IQCH: variants seen among roughly 807,000 people sequenced by gnomAD.
IQCH encodes IQ motif containing H.
IQCH carries 98 observed loss-of-function variants against 117.0 expected under a neutral mutation model. The ratio of observed to expected loss-of-function variants is 0.84; its 90% CI spans 0.71 to 0.99. The LOEUF (loss-of-function observed/expected upper bound fraction) is 0.99. Ranked by LOEUF, IQCH falls within the 50% of genes least tolerant of loss-of-function variation. The pLI is 0.00. For synonymous variants in IQCH, 412 were observed against 448.2 expected, an observed-to-expected ratio of 0.92 and a Z score of 1.02; for missense variants, 1,102 against 1,243.8, an observed-to-expected ratio of 0.89 and a Z score of 1.72.
Position 67,322,500 on chromosome 15 carries a change from T to TTAGA in IQCH, c.388-14474_388-14471dup, listed in dbSNP as rs1968182794. On this transcript the variant is annotated intron_variant, in intron 4 of 20. Transcript: ENST00000335894. ...TAATGAAATTTAGATATGGTTTGAT[T>TTAGA]TAGAACAACTGACACAGGACTTTCC... Among the ~76,000 whole-genome samples, 5 of 152,158 alleles carry TTAGA rather than the reference T, an allele frequency of 3.3e-5. No homozygotes were observed. In the South Asian group the frequency reaches 1.0e-3, roughly 32 times the overall value.
At chr15:67,259,310 T>A (rs1965360988) in intron 1 of IQCH, among the ~76,000 whole-genome samples, 1 of 152,248 alleles carries the variant, frequency 6.6e-6, no homozygotes, top group Non-Finnish European at 1.5e-5. Context: ...TTCCAGTTCA[T>A]ATCTGTCAGC....
rs2081773709 is a variant in IQCH at position 67,422,435 on chromosome 15, G to A, written c.2505+858G>A. 6.6e-6 allele frequency among the ~76,000 whole-genome samples: 1 copy of A among 152,002 alleles called. No individual in the cohort carries two copies. Among genetic ancestry groups the A allele is most frequent in the African/African-American group, 2.4e-5 (1 of 41,356 alleles). ...GCCCCTGCCCAGCTTAAGAAACAAA[G>A]TGGTGTCAGTGCCACCTGCAGTCCT... On this transcript the variant is annotated intron_variant, in intron 16 of 20. Transcript: ENST00000335894. The surrounding 1 kb of genome is among the most constrained non-coding windows in gnomAD (Gnocchi z 4.7).
Position 67,423,282 on chromosome 15 carries a change from T to C in IQCH, c.2505+1705T>C, listed in dbSNP as rs550798796. 3.3e-5 allele frequency among the ~76,000 whole-genome samples: 5 copies of C among 152,156 alleles called. No individual in the cohort carries two copies. In the East Asian group the frequency reaches 9.7e-4, roughly 29 times the overall value. On this transcript the variant is annotated intron_variant, in intron 16 of 20. Coordinates refer to ENST00000335894, the MANE Select transcript of IQCH (RefSeq NM_001031715.3). ...CCCCAAGTATTTGTTGTAAGAAAGA[T>C]TGGCTGGGTGTGGTGGCTCATGCCT...
At chr15:67,321,794 G>A (rs970100021) in intron 4 of IQCH, among the ~76,000 whole-genome samples, 1 of 152,096 alleles carries the variant, frequency 6.6e-6, no homozygotes, top group Non-Finnish European at 1.5e-5. Flanking sequence ...TTTTCATTTA[G>A]TTCCCTTTCC....
chr15:67,330,378 T>C (rs898435307), intron 4 of IQCH, among the ~76,000 whole-genome samples: 1 of 152,222 alleles, frequency 6.6e-6, no homozygotes, highest in Non-Finnish European at 1.5e-5. Context: ...TTAAATAACA[T>C]ACACTCTGCA....
chr15:67,304,133 G>A (rs905909983), intron 4 of IQCH, among the ~76,000 whole-genome samples: 2 of 151,480 alleles, frequency 1.3e-5, no homozygotes, highest in Admixed American at 6.6e-5. Context: ...TGGGATACAC[G>A]GAGGAAAATC....
At chr15:67,441,351 A>G (rs555405138) in intron 16 of IQCH, among the ~76,000 whole-genome samples, 1 of 152,234 alleles carries the variant, frequency 6.6e-6, no homozygotes, top group South Asian at 2.1e-4. Context: ...CCATCAAAAT[A>G]CCACCATCCT....
rs921585393 is a variant in IQCH at position 67,388,303 on chromosome 15, C to T, written c.1457-528C>T. 6.6e-6 allele frequency among the ~76,000 whole-genome samples: 1 copy of T among 152,174 alleles called. No homozygotes were observed. Among genetic ancestry groups the T allele is most frequent in the Non-Finnish European group, 1.5e-5 (1 of 68,030 alleles). ...AATGTACTCCTCTTTGGGAATCAAG[C>T]AAGGGAAAGGCTGGTTTCCTGAAAT... On this transcript the variant is annotated intron_variant, in intron 11 of 20. Transcript: ENST00000335894. The surrounding 1 kb of genome is among the most constrained non-coding windows in gnomAD (Gnocchi z 5.5).
At chr15:67,455,417 G>C (rs762177013) in intron 16 of IQCH, among the ~76,000 whole-genome samples, 1 of 152,270 alleles carries the variant, frequency 6.6e-6, no homozygotes, top group South Asian at 2.1e-4. Flanking sequence ...GACTGGACTA[G>C]ACCAACTCTA....
At position 67,417,720 on chromosome 15, in the gene IQCH, C is replaced by T. The variant is rs1321700430; in HGVS notation, c.2218+669C>T. The stretch of plus-strand genomic sequence containing the variant: ...ATGCCTGTCTACCGTCTCAGAGGTC[C>T]CTGTCAGATGTTACACAGAGGCACA... On this transcript the variant is annotated intron_variant, in intron 15 of 20. Coordinates refer to ENST00000335894, the MANE Select transcript of IQCH (RefSeq NM_001031715.3). This position sits in a 1 kb window ranked among gnomAD's most constrained non-coding sequence, Gnocchi z 4.3. Among the ~76,000 whole-genome samples the T allele has an allele frequency of 1.3e-5, 2 of 151,992 alleles. No homozygotes were observed. Among genetic ancestry groups the T allele is most frequent in the African/African-American group, 4.8e-5 (2 of 41,362 alleles).
chr15:67,290,669 T>A (rs1966720875), intron 4 of IQCH, among the ~76,000 whole-genome samples: 1 of 151,552 alleles, frequency 6.6e-6, no homozygotes, highest in African/African-American at 2.4e-5. Flanking sequence ...CTTAACCTAA[T>A]AATTTCAGTG....
At chr15:67,371,686 C>T (rs571840288) in intron 8 of IQCH, among the ~76,000 whole-genome samples, 5 of 152,246 alleles carry the variant, frequency 3.3e-5, no homozygotes, top group African/African-American at 9.6e-5. Context: ...CTAAGGAATG[C>T]GAAGAAAGGC....
chr15:67,404,108 A>T lies in IQCH; in HGVS notation c.2097+3803A>T, dbSNP rs1445271983. The stretch of plus-strand genomic sequence containing the variant: ...CAGTTTTACCTTTATTTGTACTTTG[A>T]TTTACTTTGTCTGACATTTGATATT... On this transcript the variant is annotated intron_variant, in intron 14 of 20. Transcript: ENST00000335894. The surrounding 1 kb of genome is among the most constrained non-coding windows in gnomAD (Gnocchi z 4.6). The T allele has an allele frequency of 6.6e-6, 1 of 152,110 alleles. No individual in the cohort carries two copies. The highest frequency in any genetic ancestry group is 2.4e-5 in the African/African-American group (1 of 41,426). 9.4% of individuals were successfully genotyped at this position (152,110 alleles called of 1,614,324 possible). A position where few individuals can be genotyped will look rare whatever the true frequency, so the allele number is the denominator to read the frequency against.
chr15:67,302,862 A>G (rs1255618956), intron 4 of IQCH, among the ~76,000 whole-genome samples: 1 of 152,022 alleles, frequency 6.6e-6, no homozygotes, highest in East Asian at 1.9e-4. Flanking sequence ...GTCTCAAAAC[A>G]ACAACAACAA....
At chr15:67,274,987 A>G (rs1392985325) in intron 3 of IQCH, among the ~76,000 whole-genome samples, 2 of 152,182 alleles carry the variant, frequency 1.3e-5, no homozygotes, top group African/African-American at 2.4e-5. Context: ...TCAGCTGGCC[A>G]AGGGTTTGTG....
intron 12 of IQCH, among the ~76,000 whole-genome samples, chr15:67,394,462 A>G (rs930970524): frequency 1.3e-5 from 2 of 152,136 alleles, no homozygotes; most frequent in African/African-American, 2.4e-5. Flanking sequence ...GCAGATCCTT[A>G]TGGCCCTTCT....
At chr15:67,375,484 A>G (rs914166500) in intron 10 of IQCH, among the ~76,000 whole-genome samples, 5 of 152,202 alleles carry the variant, frequency 3.3e-5, no homozygotes, top group Non-Finnish European at 7.3e-5. Context: ...GAAGCTAGAA[A>G]TAGAAAACGT....
chr15:67,340,494 C>T (rs1289099454), intron 5 of IQCH, among the ~76,000 whole-genome samples: 1 of 92,574 alleles, frequency 1.1e-5, no homozygotes, highest in South Asian at 3.8e-4. Flanking sequence ...ATTAAATAAA[C>T]ATTATTCTCA....
chr15:67,398,084 C>G (rs1971526958), intron 13 of IQCH, among the ~76,000 whole-genome samples: 5 of 152,016 alleles, frequency 3.3e-5, no homozygotes, highest in Admixed American at 3.3e-4. Context: ...TCAACAGATG[C>G]CCATTTATAG....
Sources: allele counts gnomAD v4.1 joint callset (sites outside exome capture counted in the v4.1 genomes callset), GRCh38; gene constraint gnomAD v4.1.1; non-coding constraint Gnocchi (gnomAD v3.1); transcripts MANE v1.5; gene names NCBI Gene and HGNC (gene_info 2026-07-23, HGNC 2026-07-21).